The following GRM7 variants were observed in gnomAD, a reference collection of about 807,000 sequenced individuals.
GRM7 encodes the protein metabotropic glutamate receptor 7.
Under a neutral mutation model 84.5 loss-of-function variants are expected in GRM7, and 35 were observed. The observed-to-expected ratio is 0.41, with a 90% CI of 0.32 to 0.55. GRM7 has a LOEUF of 0.55. Among genes scored for constraint, GRM7 ranks in the 20% least tolerant of loss-of-function variants. GRM7 has a pLI of 0.19. For synonymous variants in GRM7, 487 were observed against 455.1 expected (o/e 1.07, Z -0.89); for missense variants, 1,003 against 1,194.6 (o/e 0.84, Z 2.36).
At chr3:7,045,485 A>C (rs1419113134) in intron 1 of GRM7, among the ~76,000 whole-genome samples, 1 of 152,174 alleles carries the variant, frequency 6.6e-6, no homozygotes, top group Non-Finnish European at 1.5e-5. Flanking sequence ...AAATGTCCAG[A>C]ACTCATTGTA....
chr3:7,053,237 T>C (rs1697076086), intron 1 of GRM7, among the ~76,000 whole-genome samples: 1 of 151,360 alleles, frequency 6.6e-6, no homozygotes, highest in Admixed American at 6.6e-5. Context: ...TTTTTTTTAC[T>C]TTAGTTATCT....
intron 1 of GRM7, among the ~76,000 whole-genome samples, chr3:6,864,853 CT>C (rs1694887359): frequency 1.3e-5 from 2 of 152,190 alleles, no homozygotes; most frequent in Admixed American, 1.3e-4. Context: ...AAATTTGGAC[CT>C]GGGCAAGAAT....
At chr3:7,329,674 G>C (rs1316513528) in intron 4 of GRM7, among the ~76,000 whole-genome samples, 3 of 152,102 alleles carry the variant, frequency 2.0e-5, no homozygotes, top group Admixed American at 2.0e-4. Flanking sequence ...TAACTTAAAA[G>C]TATACCTGGT....
chr3:7,153,887 G>A (rs572790523), intron 2 of GRM7, among the ~76,000 whole-genome samples: 1 of 152,162 alleles, frequency 6.6e-6, no homozygotes, highest in African/African-American at 2.4e-5. Context: ...AGCCTGGTTA[G>A]GGCATACTAC....
intron 7 of GRM7, among the ~76,000 whole-genome samples, chr3:7,574,022 T>C (rs1275697742): frequency 6.6e-6 from 1 of 152,204 alleles, no homozygotes; most frequent in Non-Finnish European, 1.5e-5. Context: ...GTTTTATTAG[T>C]GTTAGTTAAT....
intron 7 of GRM7, among the ~76,000 whole-genome samples, chr3:7,474,963 T>C (rs888638972): frequency 1.3e-5 from 2 of 152,178 alleles, no homozygotes; most frequent in East Asian, 3.9e-4. Context: ...GTCTTGTATA[T>C]TGAAGTTAGC....
chr3:6,871,723 A>G (rs918551075), intron 1 of GRM7, among the ~76,000 whole-genome samples: 3 of 152,136 alleles, frequency 2.0e-5, no homozygotes, highest in Non-Finnish European at 4.4e-5. Flanking sequence ...TTATTTTAAC[A>G]CTATCATTAT....
chr3:7,139,097 T>C (rs1693862679), intron 1 of GRM7, among the ~76,000 whole-genome samples: 1 of 147,682 alleles, frequency 6.8e-6, no homozygotes. Context: ...TATATTATAC[T>C]CTATAATATA....
intron 2 of GRM7, among the ~76,000 whole-genome samples, chr3:7,292,992 C>T (rs1413806217): frequency 6.7e-6 from 1 of 148,512 alleles, no homozygotes. Context: ...TGAGATTGCA[C>T]CATCGCACTG....
chr3:6,922,291 T>C (rs948245248), intron 1 of GRM7, among the ~76,000 whole-genome samples: 4 of 152,226 alleles, frequency 2.6e-5, no homozygotes, highest in Non-Finnish European at 4.4e-5. Context: ...AGGAAGACGC[T>C]TGAAATGCTC....
In GRM7 at chr3:7,061,749, C is replaced by A. The variant is rs78138566; in HGVS notation, c.520-84703C>A. Among the ~76,000 whole-genome samples the A allele has an allele frequency of 6.2e-3, 942 of 151,710 alleles. 11 individuals carry two copies. The highest frequency in any genetic ancestry group is 0.022 in the African/African-American group (898 of 41,476). On this transcript the variant is annotated intron_variant, in intron 1 of 9. Transcript: ENST00000357716. ...CATGTCGAGTGCTTTGCATACACAACCTCATGTAATAACCTGCAAGACCAT... is the reference window on the plus strand; with the variant it reads ...CATGTCGAGTGCTTTGCATACACAAACTCATGTAATAACCTGCAAGACCAT...
At chr3:7,248,520 T>C (rs1367634677) in intron 2 of GRM7, among the ~76,000 whole-genome samples, 2 of 152,298 alleles carry the variant, frequency 1.3e-5, no homozygotes, top group East Asian at 3.9e-4. Context: ...GTCTTCATTA[T>C]GTTGGTGGTT....
At chr3:7,096,862 A>G (rs990002261) in intron 1 of GRM7, among the ~76,000 whole-genome samples, 2 of 152,184 alleles carry the variant, frequency 1.3e-5, no homozygotes, top group Non-Finnish European at 2.9e-5. Flanking sequence ...GACAAAGACC[A>G]GATATATTCT....
At chr3:6,891,911 T>G (rs982070964) in intron 1 of GRM7, among the ~76,000 whole-genome samples, 2 of 152,188 alleles carry the variant, frequency 1.3e-5, no homozygotes, top group East Asian at 1.9e-4. Context: ...GTCCCATATT[T>G]CTTGGATGCT....
intron 1 of GRM7, among the ~76,000 whole-genome samples, chr3:7,064,463 C>CATATATATATATATATATAT (rs745409093): frequency 6.9e-5 from 6 of 87,380 alleles, no homozygotes; most frequent in African/African-American, 3.0e-4. Flanking sequence ...GATATATATA[C>CATATATATATATATATATAT]ATATATATAT....
intron 2 of GRM7, among the ~76,000 whole-genome samples, chr3:7,208,624 A>G (rs148507139): frequency 6.6e-5 from 10 of 152,294 alleles, no homozygotes; most frequent in Middle Eastern, 6.8e-3. Context: ...ACTAGCTGAT[A>G]TCGTAGTATT....
chr3:7,100,907 C>G (rs1699089014), intron 1 of GRM7, among the ~76,000 whole-genome samples: 1 of 151,654 alleles, frequency 6.6e-6, no homozygotes, highest in Non-Finnish European at 1.5e-5. Context: ...TGAGATTCAT[C>G]TATATTGTTG....
intron 1 of GRM7, among the ~76,000 whole-genome samples, chr3:7,108,324 G>A (rs1426693153): frequency 3.9e-5 from 6 of 152,042 alleles, no homozygotes; most frequent in Admixed American, 3.9e-4. Flanking sequence ...GACAGATGAT[G>A]AAAGAGTCTG....
intron 4 of GRM7, among the ~76,000 whole-genome samples, chr3:7,314,740 T>C (rs890897442): frequency 1.9e-4 from 29 of 152,182 alleles, no homozygotes; most frequent in African/African-American, 6.3e-4. Context: ...ATTCTTTGTT[T>C]AGTAAGTCCA....
Sources: gnomAD v4.1 joint callset for allele counts (sites outside exome capture counted in the v4.1 genomes callset) on GRCh38, gnomAD v4.1.1 for gene constraint, MANE v1.5 for transcripts, NCBI Gene and HGNC (gene_info 2026-07-23, HGNC 2026-07-21) for gene names.